Variants in ENTPD1 observed in about 807,000 individuals in gnomAD.
ENTPD1 encodes ectonucleoside triphosphate diphosphohydrolase 1.
A neutral mutation model predicts 57.0 loss-of-function variants in ENTPD1; 33 were observed. That is an observed-to-expected ratio of 0.58 (90% confidence interval 0.44 to 0.77). ENTPD1 has a LOEUF of 0.77. ENTPD1 is among the 30% of genes least tolerant of loss of function. The probability of loss-of-function intolerance (pLI) is 0.00; values close to 1 mark genes in which losing one functional copy is unlikely to be tolerated. For synonymous variants in ENTPD1, 202 were observed against 218.8 expected, an observed-to-expected ratio of 0.92 and a Z score of 0.68; for missense variants, 501 against 603.4, an observed-to-expected ratio of 0.83 and a Z score of 1.78.
chr10:95,807,844 T>C (rs1213201008), intron 1 of ENTPD1, among the ~76,000 whole-genome samples: 3 of 152,184 alleles, frequency 2.0e-5, no homozygotes, highest in Non-Finnish European at 4.4e-5. Flanking sequence ...TTTCTAGGTA[T>C]AGGATCATGT....
In ENTPD1 at chr10:95,877,197, A is replaced by G. The variant is rs2098486556; in HGVS notation, c.*10814A>G. Among the ~76,000 whole-genome samples, 2 of 152,244 alleles carry G rather than the reference A, an allele frequency of 1.3e-5. No individual in the cohort carries two copies. The highest frequency in any genetic ancestry group is 2.9e-5 in the Non-Finnish European group (2 of 68,042). On this transcript the variant is annotated 3_prime_UTR_variant, in exon 10 of 10. Transcript: ENST00000371205. ...GTGGAAAATGCAAATTATATACTTT[A>G]AAATGTAATTTTTGCTTTTCACATA...
intron 1 of ENTPD1, among the ~76,000 whole-genome samples, chr10:95,731,781 CTTTTTTT>C (rs34841311): frequency 2.5e-5 from 2 of 79,178 alleles, no homozygotes; most frequent in African/African-American, 1.1e-4. Flanking sequence ...AGTGGACATC[CTTTTTTT>C]TTTTTTTTTT....
At position 95,868,353 on chromosome 10, in the gene ENTPD1, T is replaced by C. The variant is rs1389545275; in HGVS notation, c.*1970T>C. On this transcript the variant is annotated 3_prime_UTR_variant, in exon 10 of 10. Coordinates refer to ENST00000371205, the MANE Select transcript of ENTPD1 (RefSeq NM_001776.6). ...GAAAGGGAGGCAGAAAGCTGGTCTG[T>C]TCCTGATAGGCTTGTAATTTAATAT... 1.0e-6 allele frequency: 1 copy of C among 985,342 alleles called. No homozygotes were observed. The highest frequency in any genetic ancestry group is 1.7e-5 in the African/African-American group (1 of 57,242). 61.0% of individuals were successfully genotyped at this position (985,342 alleles called of 1,614,324 possible).
At chr10:95,841,678 G>T (rs2098422915) in intron 3 of ENTPD1, among the ~76,000 whole-genome samples, 1 of 151,844 alleles carries the variant, frequency 6.6e-6, no homozygotes, top group South Asian at 2.1e-4. Context: ...CTTAATGTGA[G>T]ATGAAAGTGT....
At chr10:95,816,696 A>G (rs1374983030) in intron 1 of ENTPD1, among the ~76,000 whole-genome samples, 1 of 152,214 alleles carries the variant, frequency 6.6e-6, no homozygotes, top group Non-Finnish European at 1.5e-5. Context: ...CTTCAAAGGG[A>G]GCATGCCCCT....
rs1190694834 is a variant in ENTPD1 at position 95,868,767 on chromosome 10, T to TA, written c.*2385dup. On this transcript the variant is annotated 3_prime_UTR_variant, in exon 10 of 10. Coordinates refer to ENST00000371205, the MANE Select transcript of ENTPD1 (RefSeq NM_001776.6). ...ACACTTTCCCTCAGCAAGTTGGAAT[T>TA]AGACTTCACAAGTCTCCTTCAGAGA... 1 of 985,310 alleles carries TA rather than the reference T, an allele frequency of 1.0e-6. No homozygotes were observed. The highest frequency in any genetic ancestry group is 1.2e-6 in the Non-Finnish European group (1 of 829,934). The allele number at this position is 985,310 out of a possible 1,614,324, so 61.0% of individuals were successfully genotyped here.
intron 1 of ENTPD1, among the ~76,000 whole-genome samples, chr10:95,719,278 C>T (rs1031333557): frequency 7.2e-5 from 11 of 152,188 alleles, no homozygotes; most frequent in African/African-American, 2.2e-4. Context: ...AGAAAAGTCT[C>T]GCTCCGTTGG....
intron 4 of ENTPD1, among the ~76,000 whole-genome samples, chr10:95,843,571 G>T (rs528494428): frequency 8.5e-5 from 13 of 152,348 alleles, no homozygotes; most frequent in African/African-American, 2.9e-4. Context: ...GGTGGAGCCA[G>T]GATTCTGAGT....
At chr10:95,713,014 A>G (rs2097967507) in intron 1 of ENTPD1, among the ~76,000 whole-genome samples, 1 of 148,868 alleles carries the variant, frequency 6.7e-6, no homozygotes, top group South Asian at 2.1e-4. Flanking sequence ...AGACTGGGCG[A>G]CAGAGCGAGA....
intron 1 of ENTPD1, among the ~76,000 whole-genome samples, chr10:95,788,972 G>A (rs2098191934): frequency 6.6e-6 from 1 of 152,130 alleles, no homozygotes; most frequent in African/African-American, 2.4e-5. Context: ...ATATCTGTTG[G>A]CGATGAGGCA....
Position 95,844,560 on chromosome 10 carries a change from C to T in ENTPD1, c.498C>T (p.Ala166=). The T allele has an allele frequency of 6.2e-7, 1 of 1,614,146 alleles. No individual in the cohort carries two copies. Among genetic ancestry groups the T allele is most frequent in the South Asian group, 1.1e-5 (1 of 91,078 alleles). ...ACTACCCCTTTGACTTCCAGGGTGCCAGGATCATTACTGGCCAAGAGGAAG... is the reference window on the plus strand; with the variant it reads ...ACTACCCCTTTGACTTCCAGGGTGCTAGGATCATTACTGGCCAAGAGGAAG... ...LSNYPFDFQG[A]RIITGQEEGA... is the part of the protein sequence containing the mutation. The change falls in exon 5 of 10, where the codon GCC becomes GCT. Residue 166 remains alanine (A), a synonymous_variant. Coordinates refer to ENST00000371205, the MANE Select transcript of ENTPD1 (RefSeq NM_001776.6).
chr10:95,845,744 C>T (rs866437652), intron 6 of ENTPD1, 148 bp downstream of exon 6: 1 of 1,326,000 alleles, frequency 7.5e-7, no homozygotes. Flanking sequence ...TGAACTACAT[C>T]TGGTTGACCC....
intron 1 of ENTPD1, among the ~76,000 whole-genome samples, chr10:95,770,756 C>T (rs1168411172): frequency 6.6e-6 from 1 of 152,040 alleles, no homozygotes; most frequent in Non-Finnish European, 1.5e-5. Flanking sequence ...AGGATTAGGG[C>T]TGGGGAGGAG....
chr10:95,708,212 T>C (rs2097963281), upstream of ENTPD1, among the ~76,000 whole-genome samples: 1 of 43,672 alleles, frequency 2.3e-5, no homozygotes, highest in Non-Finnish European at 7.4e-5. Flanking sequence ...TATTTATTTT[T>C]ATTTTATTTT....
At chr10:95,766,793 T>C (rs2140052150) in intron 1 of ENTPD1, among the ~76,000 whole-genome samples, 1 of 152,330 alleles carries the variant, frequency 6.6e-6, no homozygotes, top group East Asian at 1.9e-4. Context: ...TGCTTTTTGC[T>C]ATACAGACTC....
At chr10:95,762,390 G>GTT (rs5787157) in intron 1 of ENTPD1, among the ~76,000 whole-genome samples, 4,651 of 134,596 alleles carry the variant, frequency 0.035, 107 homozygotes, top group Non-Finnish European at 0.05. Flanking sequence ...TTTCCTGGCA[G>GTT]TTTTTTTTTT....
At chr10:95,756,067 G>A (rs2098021978), upstream of ENTPD1, 1 of 1,497,966 alleles carries the variant, frequency 6.7e-7, no homozygotes, top group Non-Finnish European at 8.9e-7. Flanking sequence ...GAAAAAGACA[G>A]GGTTTGAGGT....
At chr10:95,801,142 G>A (rs180729395) in intron 1 of ENTPD1, among the ~76,000 whole-genome samples, 3 of 152,278 alleles carry the variant, frequency 2.0e-5, no homozygotes, top group African/African-American at 7.2e-5. Context: ...GGCTCCAGCT[G>A]GTCCCTCTGT....
chr10:95,726,925 C>T (rs1298499880), intron 1 of ENTPD1, among the ~76,000 whole-genome samples: 3 of 152,090 alleles, frequency 2.0e-5, no homozygotes, highest in Non-Finnish European at 4.4e-5. Context: ...GAAGTGGCAC[C>T]ACCTTCAAAC....
Sources: gnomAD v4.1 joint callset for allele counts (sites outside exome capture counted in the v4.1 genomes callset) on GRCh38, gnomAD v4.1.1 for gene constraint, MANE v1.5 for transcripts, NCBI Gene and HGNC (gene_info 2026-07-23, HGNC 2026-07-21) for gene names.